Variants in L3MBTL4 observed in about 807,000 individuals in gnomAD.
The protein encoded by L3MBTL4 is lethal(3)malignant brain tumor-like protein 4.
A neutral mutation model predicts 84.5 loss-of-function variants in L3MBTL4; 70 were observed. The ratio of observed to expected loss-of-function variants is 0.83; its 90% CI spans 0.68 to 1.01. The LOEUF is 1.01. Among genes scored for constraint, L3MBTL4 ranks in the 50% least tolerant of loss-of-function variants. The pLI, the probability that L3MBTL4 is intolerant of heterozygous loss-of-function variation, is 0.00. For synonymous variants in L3MBTL4, 274 were observed against 259.8 expected, an observed-to-expected ratio of 1.05 and a Z score of -0.52; for missense variants, 715 against 754.8, an observed-to-expected ratio of 0.95 and a Z score of 0.62.
chr18:6,108,656 A>G (rs2059091121), intron 14 of L3MBTL4, among the ~76,000 whole-genome samples: 1 of 152,148 alleles, frequency 6.6e-6, no homozygotes, highest in African/African-American at 2.4e-5. Context: ...AGAGCTCAGA[A>G]GCACTAGCTC....
chr18:6,253,194 C>A (rs2048000685), intron 5 of L3MBTL4, among the ~76,000 whole-genome samples: 1 of 150,258 alleles, frequency 6.7e-6, no homozygotes, highest in African/African-American at 2.5e-5. Flanking sequence ...GAGCAAGACT[C>A]CGTCTCAAAA....
chr18:6,039,688 A>C (rs976197966), intron 16 of L3MBTL4, among the ~76,000 whole-genome samples: 9 of 152,314 alleles, frequency 5.9e-5, no homozygotes, highest in African/African-American at 2.2e-4. Context: ...GTGACACTTG[A>C]CCAGCGTGGT....
intron 15 of L3MBTL4, among the ~76,000 whole-genome samples, chr18:6,084,539 GAC>G (rs2058194738): frequency 6.6e-6 from 1 of 152,180 alleles, no homozygotes; most frequent in African/African-American, 2.4e-5. Context: ...TTAACAGGCA[GAC>G]ACTGGGCTCT....
rs745457257 is a variant in L3MBTL4 at position 5,969,354 on chromosome 18, G to A, written c.1614+39C>T. The A allele has an allele frequency of 3.7e-6, 6 of 1,610,248 alleles. No homozygotes were observed. In the African/African-American group the frequency reaches 5.3e-5, roughly 14 times the overall value. ...ACCTTCCGCCTATTTCTCAGCAGCA[G>A]GCACACCCCAGCCCTGGCCCCCCAG... On this transcript the variant is annotated intron_variant, in intron 17 of 18. Coordinates refer to ENST00000317931, the MANE Select transcript of L3MBTL4 (RefSeq NM_001330559.2).
chr18:6,035,624 T>C (rs1376962546), intron 16 of L3MBTL4, among the ~76,000 whole-genome samples: 1 of 152,264 alleles, frequency 6.6e-6, no homozygotes, highest in East Asian at 1.9e-4. Flanking sequence ...ATTGACTTGG[T>C]GATGCAGGCT....
chr18:6,375,813 C>G (rs941530297), intron 1 of L3MBTL4, among the ~76,000 whole-genome samples: 4 of 152,146 alleles, frequency 2.6e-5, no homozygotes, highest in African/African-American at 4.8e-5. Flanking sequence ...AAAGAAGGGC[C>G]TGGCCTGGAT....
At chr18:6,179,581 T>C (rs554140693) in intron 12 of L3MBTL4, among the ~76,000 whole-genome samples, 1 of 152,324 alleles carries the variant, frequency 6.6e-6, no homozygotes, top group African/African-American at 2.4e-5. Flanking sequence ...CAGAATACTA[T>C]CATAATCCAA....
At chr18:6,076,278 A>G (rs2057853584) in intron 16 of L3MBTL4, among the ~76,000 whole-genome samples, 1 of 152,264 alleles carries the variant, frequency 6.6e-6, no homozygotes, top group Admixed American at 6.5e-5. Flanking sequence ...AATAATATGT[A>G]GCAATGAGAA....
At chr18:6,060,174 T>C (rs982466332) in intron 16 of L3MBTL4, among the ~76,000 whole-genome samples, 7 of 152,156 alleles carry the variant, frequency 4.6e-5, no homozygotes, top group African/African-American at 1.2e-4. Context: ...CATTATGCCA[T>C]CAGTTTCTTT....
intron 10 of L3MBTL4, among the ~76,000 whole-genome samples, chr18:6,224,422 G>A (rs2046690481): frequency 6.6e-6 from 1 of 152,190 alleles, no homozygotes; most frequent in African/African-American, 2.4e-5. Context: ...CTTAAAGTCT[G>A]GTAGACCCCA....
intron 16 of L3MBTL4, among the ~76,000 whole-genome samples, chr18:6,055,370 G>T (rs1015059306): frequency 6.6e-6 from 1 of 152,200 alleles, no homozygotes; most frequent in African/African-American, 2.4e-5. Context: ...AGGCTTAAAA[G>T]TTGTCAAGGC....
chr18:6,364,113 A>G (rs2144070848), intron 1 of L3MBTL4, among the ~76,000 whole-genome samples: 1 of 152,144 alleles, frequency 6.6e-6, no homozygotes, highest in South Asian at 2.1e-4. Context: ...ACTTCAACCA[A>G]CACAACACAT....
At chr18:6,226,431 TAAAC>T (rs1277031829) in intron 10 of L3MBTL4, among the ~76,000 whole-genome samples, 13 of 151,890 alleles carry the variant, frequency 8.6e-5, no homozygotes, top group African/African-American at 3.1e-4. Flanking sequence ...AAATAAAAAA[TAAAC>T]AAACAAAAGA....
chr18:6,302,062 T>A (rs1422862122), intron 3 of L3MBTL4, 105 bp from the exon 4 acceptor site: 5 of 942,902 alleles, frequency 5.3e-6, no homozygotes, highest in Non-Finnish European at 8.8e-6. Context: ...AAGATCCTCG[T>A]CACTGAGGCG....
At chr18:6,220,450 C>T (rs74346719) in intron 10 of L3MBTL4, among the ~76,000 whole-genome samples, 10,170 of 152,110 alleles carry the variant, frequency 0.067, 1,148 homozygotes, top group African/African-American at 0.23. Flanking sequence ...GACTTGTCAC[C>T]TTATCTCAAA....
At chr18:6,309,230 C>CTCAA (rs1249519885) in intron 3 of L3MBTL4, among the ~76,000 whole-genome samples, 2 of 152,204 alleles carry the variant, frequency 1.3e-5, no homozygotes, top group Non-Finnish European at 2.9e-5. Flanking sequence ...TCAAGCATGA[C>CTCAA]TCAACCCTTC....
At chr18:6,349,588 T>C (rs1272985314) in intron 1 of L3MBTL4, among the ~76,000 whole-genome samples, 1 of 152,074 alleles carries the variant, frequency 6.6e-6, no homozygotes, top group East Asian at 1.9e-4. Flanking sequence ...ATTAGCTAGG[T>C]GTGGTGGCAT....
At chr18:5,969,174 G>A (rs2052506509) in intron 17 of L3MBTL4, among the ~76,000 whole-genome samples, 1 of 152,130 alleles carries the variant, frequency 6.6e-6, no homozygotes, top group African/African-American at 2.4e-5. Flanking sequence ...CGGAGGGGAG[G>A]TGCAAAACCA....
intron 13 of L3MBTL4, among the ~76,000 whole-genome samples, chr18:6,143,477 C>T (rs575279050): frequency 6.6e-6 from 1 of 152,288 alleles, no homozygotes; most frequent in South Asian, 2.1e-4. Flanking sequence ...AAGAAGCCAT[C>T]CACTAGGGAA....
Sources: allele counts gnomAD v4.1 joint callset (sites outside exome capture counted in the v4.1 genomes callset), GRCh38; gene constraint gnomAD v4.1.1; transcripts MANE v1.5; gene names NCBI Gene and HGNC (gene_info 2026-07-23, HGNC 2026-07-21).